DLG2: variants seen among roughly 807,000 people sequenced by gnomAD.
DLG2 encodes discs large MAGUK scaffold protein 2.
In DLG2, 45 loss-of-function variants were observed where a neutral mutation model predicts 132.5. The ratio of observed to expected loss-of-function variants is 0.34; its 90% CI spans 0.27 to 0.44. The LOEUF is 0.44. Ranked by LOEUF, DLG2 falls within the 20% of genes least tolerant of loss-of-function variation. The pLI is 1.00. For missense variants in DLG2, 1,045 were observed against 1,196.9 expected (o/e 0.87, Z 1.87); for synonymous variants, 424 against 419.6 (o/e 1.01, Z -0.13).
chr11:84,655,412 G>C (rs1021817683), intron 6 of DLG2, among the ~76,000 whole-genome samples: 1 of 152,052 alleles, frequency 6.6e-6, no homozygotes, highest in Non-Finnish European at 1.5e-5. Context: ...AATCTCCTTC[G>C]AGCCAAGAGT....
intron 3 of DLG2, among the ~76,000 whole-genome samples, chr11:85,483,333 T>G (rs982551610): frequency 6.6e-6 from 1 of 152,024 alleles, no homozygotes; most frequent in South Asian, 2.1e-4. Context: ...GTGTAAAAAA[T>G]TTTTTTTAAA....
intron 4 of DLG2, among the ~76,000 whole-genome samples, chr11:85,248,196 G>C (rs578151633): frequency 6.6e-6 from 1 of 151,980 alleles, no homozygotes; most frequent in African/African-American, 2.4e-5. Flanking sequence ...ACAAACAAAC[G>C]AACTGAGGCC....
intron 7 of DLG2, among the ~76,000 whole-genome samples, chr11:84,512,145 G>T (rs574174875): frequency 6.6e-6 from 1 of 151,990 alleles, no homozygotes; most frequent in Non-Finnish European, 1.5e-5. Context: ...AGACCACATG[G>T]CATTTCCAAA....
intron 7 of DLG2, among the ~76,000 whole-genome samples, chr11:84,478,834 T>A (rs532660957): frequency 1.3e-5 from 2 of 152,134 alleles, no homozygotes; most frequent in South Asian, 4.1e-4. Flanking sequence ...ATTTCCTGAA[T>A]CCCAAAACTA....
intron 6 of DLG2, among the ~76,000 whole-genome samples, chr11:84,951,854 AAATT>A (rs1348668913): frequency 6.6e-6 from 1 of 152,100 alleles, no homozygotes; most frequent in Non-Finnish European, 1.5e-5. Flanking sequence ...TATAGGCATT[AAATT>A]AATATACACT....
intron 6 of DLG2, among the ~76,000 whole-genome samples, chr11:84,864,916 T>C (rs1345077629): frequency 1.3e-5 from 2 of 152,114 alleles, no homozygotes; most frequent in Non-Finnish European, 2.9e-5. Flanking sequence ...CATGGAGATA[T>C]GAAAATTCAT....
intron 8 of DLG2, among the ~76,000 whole-genome samples, chr11:84,195,103 G>A (rs1299550671): frequency 1.3e-5 from 2 of 152,220 alleles, no homozygotes; most frequent in East Asian, 3.9e-4. Flanking sequence ...GAGGTGCCCA[G>A]AGCAAGCGAG....
intron 18 of DLG2, among the ~76,000 whole-genome samples, chr11:83,730,150 T>TTTTA (rs2090746388): frequency 6.7e-6 from 1 of 148,508 alleles, no homozygotes; most frequent in African/African-American, 2.5e-5. Context: ...TTTATGGTTT[T>TTTTA]TTTTTTTTTT....
chr11:83,649,444 T>C (rs1352373116), intron 18 of DLG2, among the ~76,000 whole-genome samples: 2 of 152,074 alleles, frequency 1.3e-5, no homozygotes, highest in African/African-American at 4.8e-5. Flanking sequence ...ACTCAGCTTG[T>C]AAAGAACCAG....
At chr11:84,305,893 TTTC>T (rs2098212547) in intron 7 of DLG2, among the ~76,000 whole-genome samples, 1 of 152,146 alleles carries the variant, frequency 6.6e-6, no homozygotes, top group African/African-American at 2.4e-5. Flanking sequence ...CACAAATAGA[TTTC>T]TTATTATGCT....
intron 21 of DLG2, among the ~76,000 whole-genome samples, chr11:83,486,646 C>A (rs969477576): frequency 5.3e-5 from 8 of 152,062 alleles, no homozygotes; most frequent in African/African-American, 1.9e-4. Context: ...TACTACTAAG[C>A]ATCACACTTT....
intron 6 of DLG2, among the ~76,000 whole-genome samples, chr11:84,938,598 T>G (rs7108021): frequency 0.42 from 63,741 of 151,998 alleles, 14,060 homozygotes; most frequent in East Asian, 0.67. Context: ...AATCCTTAAA[T>G]AATTAGACTT....
Position 84,545,971 on chromosome 11 carries a change from G to A in DLG2, c.358-11240C>T, listed in dbSNP as rs7931030. ...GGGTTTCGCCATGTTGGCCAGGCTG[G>A]TCTTGAACTTCTGATCTCAAGTGAT... is the stretch of plus-strand genomic sequence containing the variant. On this transcript the variant is annotated intron_variant, in intron 6 of 27. Coordinates refer to ENST00000376104, the MANE Select transcript of DLG2 (RefSeq NM_001142699.3). Among the ~76,000 whole-genome samples the A allele has an allele frequency of 5.1e-3, 769 of 152,180 alleles. 6 individuals carry two copies. The highest frequency in any genetic ancestry group is 0.027 in the Middle Eastern group (8 of 294).
In DLG2 at chr11:85,111,695, TC is replaced by T; in HGVS notation, c.322del (p.Glu108LysfsTer30). ...GTGGACAGGCATCCAAGCAGGGGCT[TC>T]CACTGAACAATTCTGGGCTGGGCAT... is the stretch of plus-strand genomic sequence containing the variant. ...GRCPAQNCSV[E>X]APAWMPVHHC... On this transcript the variant is annotated frameshift_variant, in exon 6 of 28. Coordinates refer to ENST00000376104, the MANE Select transcript of DLG2 (RefSeq NM_001142699.3). LOFTEE classifies it high-confidence loss of function. 6.4e-7 allele frequency: 1 copy of T among 1,565,820 alleles called. No individual in the cohort carries two copies. Among genetic ancestry groups the T allele is most frequent in the Non-Finnish European group, 8.7e-7 (1 of 1,154,428 alleles).
chr11:83,646,991 G>C (rs1046349471), intron 18 of DLG2: 3 of 151,990 alleles, frequency 2.0e-5, no homozygotes, highest in African/African-American at 7.3e-5. Context: ...TTGTGATTCC[G>C]TTTTGTTTTA....
At chr11:85,479,603 T>A (rs2093237458) in intron 3 of DLG2, among the ~76,000 whole-genome samples, 1 of 152,206 alleles carries the variant, frequency 6.6e-6, no homozygotes, top group African/African-American at 2.4e-5. Flanking sequence ...ATGCTCAACC[T>A]CTCTACTTAT....
chr11:84,638,919 T>C (rs948307400), intron 6 of DLG2, among the ~76,000 whole-genome samples: 2 of 152,224 alleles, frequency 1.3e-5, no homozygotes, highest in African/African-American at 4.8e-5. Flanking sequence ...CCAGCATATT[T>C]ACATTGAAAC....
At chr11:84,741,051 A>G (rs1259719666) in intron 6 of DLG2, among the ~76,000 whole-genome samples, 1 of 129,572 alleles carries the variant, frequency 7.7e-6, no homozygotes, top group Non-Finnish European at 1.6e-5. Flanking sequence ...CTGTGTGCCT[A>G]TGCTCTTTTT....
chr11:84,070,694 A>G (rs2154143700), intron 10 of DLG2, among the ~76,000 whole-genome samples: 1 of 152,348 alleles, frequency 6.6e-6, no homozygotes, highest in African/African-American at 2.4e-5. Flanking sequence ...GCATGGTGGG[A>G]AGAACACTGG....
Sources: gnomAD v4.1 joint callset for allele counts (sites outside exome capture counted in the v4.1 genomes callset) on GRCh38, gnomAD v4.1.1 for gene constraint, MANE v1.5 for transcripts, NCBI Gene and HGNC (gene_info 2026-07-23, HGNC 2026-07-21) for gene names.